Variants in VAV2 observed in about 807,000 individuals in gnomAD.
VAV2 encodes guanine nucleotide exchange factor VAV2.
A neutral mutation model predicts 132.5 loss-of-function variants in VAV2; 67 were observed. The ratio of observed to expected loss-of-function variants is 0.51; its 90% CI spans 0.42 to 0.62. VAV2 has a LOEUF of 0.62. Ranked by LOEUF, VAV2 falls within the 20% of genes least tolerant of loss-of-function variation. The pLI is 0.00. For synonymous variants in VAV2, 492 were observed against 443.5 expected (o/e 1.11, Z -1.37); for missense variants, 938 against 1,153.6 (o/e 0.81, Z 2.71).
At chr9:133,849,049 C>T (rs1468641671) in intron 3 of VAV2, among the ~76,000 whole-genome samples, 4 of 152,258 alleles carry the variant, frequency 2.6e-5, no homozygotes, top group African/African-American at 9.6e-5. Flanking sequence ...TGCGCAGATA[C>T]ATTTTTAATG....
At chr9:133,960,977 G>A (rs527668851) in intron 1 of VAV2, among the ~76,000 whole-genome samples, 33 of 152,320 alleles carry the variant, frequency 2.2e-4, no homozygotes, top group African/African-American at 7.9e-4. Context: ...GGGCGTGCTT[G>A]GAGAGGAATG....
intron 1 of VAV2, among the ~76,000 whole-genome samples, chr9:133,948,335 T>C (rs1841439690): frequency 6.6e-6 from 1 of 152,260 alleles, no homozygotes; most frequent in African/African-American, 2.4e-5. Context: ...CTGACCCGCC[T>C]TTGCGCATGG....
chr9:133,974,371 C>T (rs1356311704), intron 1 of VAV2, among the ~76,000 whole-genome samples: 1 of 152,208 alleles, frequency 6.6e-6, no homozygotes, highest in Non-Finnish European at 1.5e-5. Flanking sequence ...AACCTCCAGC[C>T]TCCCCTTGAG....
chr9:133,831,600 G>A (rs1234667242), intron 4 of VAV2, among the ~76,000 whole-genome samples: 1 of 152,202 alleles, frequency 6.6e-6, no homozygotes, highest in Non-Finnish European at 1.5e-5. Flanking sequence ...TGAACACCCA[G>A]GAGGCTCCTA....
intron 23 of VAV2, among the ~76,000 whole-genome samples, chr9:133,777,133 C>T (rs946863413): frequency 6.6e-6 from 1 of 152,118 alleles, no homozygotes; most frequent in Non-Finnish European, 1.5e-5. Context: ...TGCAGAAATG[C>T]CTGTTTTGGT....
intron 1 of VAV2, among the ~76,000 whole-genome samples, chr9:133,942,945 C>A (rs1036664514): frequency 3.9e-5 from 6 of 152,230 alleles, no homozygotes. Flanking sequence ...GGCTCCACCT[C>A]GAGGGAGGCC....
intron 17 of VAV2, 125 bp downstream of exon 17, chr9:133,785,651 G>C: frequency 1.3e-6 from 1 of 778,808 alleles, no homozygotes; most frequent in Non-Finnish European, 2.1e-6. Flanking sequence ...CTGTGTCCCT[G>C]ACGTTCCAAC....
Position 133,763,837 on chromosome 9 carries a change from G to T in VAV2, c.*225C>A, listed in dbSNP as rs932104190. 2 of 569,264 alleles carry T rather than the reference G, an allele frequency of 3.5e-6. No homozygotes were observed. Among genetic ancestry groups the T allele is most frequent in the Non-Finnish European group, 6.2e-6 (2 of 320,572 alleles). 35.3% of individuals were successfully genotyped at this position (569,264 alleles called of 1,614,324 possible). A position where few individuals can be genotyped will look rare whatever the true frequency, so the allele number is the denominator to read the frequency against. On this transcript the variant is annotated 3_prime_UTR_variant, in exon 30 of 30. Transcript: ENST00000371850. This position sits in a 1 kb window ranked among gnomAD's most constrained non-coding sequence, Gnocchi z 6.8. ...CTGCGCTCTGGGTGGGGCTAGCCCA[G>T]GTTTCCTCTATGTACAATAGCATAC...
chr9:133,819,959 A>G lies in VAV2; in HGVS notation c.450-7743T>C, dbSNP rs149022033. 3.9e-3 allele frequency among the ~76,000 whole-genome samples: 591 copies of G among 152,378 alleles called. 3 individuals carry two copies. The highest frequency in any genetic ancestry group is 0.014 in the African/African-American group (576 of 41,592). ...TTTGATAAAACAATGTTAATAATAT[A>G]AACTTAGTAATTAAGATAAAAACCT... On this transcript the variant is annotated intron_variant, in intron 4 of 29. Transcript: ENST00000371850.
At chr9:133,933,207 G>C (rs1203390220) in intron 2 of VAV2, among the ~76,000 whole-genome samples, 1 of 152,226 alleles carries the variant, frequency 6.6e-6, no homozygotes, top group African/African-American at 2.4e-5. Context: ...CTGATTGTGG[G>C]CCAGAGCCAG....
At position 133,904,927 on chromosome 9, in the gene VAV2, T is replaced by C. The variant is rs1273427347; in HGVS notation, c.321+34176A>G. On this transcript the variant is annotated intron_variant, in intron 2 of 29. Transcript: ENST00000371850. ...GGCCACAGCACCAGCACTGCTGCAC[T>C]GGGCAGTCAGACTTGGGGCCCTGGC... is the stretch of plus-strand genomic sequence containing the variant. 2.6e-5 allele frequency among the ~76,000 whole-genome samples: 4 copies of C among 152,320 alleles called. No homozygotes were observed. The East Asian group carries it at 5.8e-4, about 22-fold the overall frequency.
At chr9:133,933,686 TGATG>T (rs1361044805) in intron 2 of VAV2, among the ~76,000 whole-genome samples, 2 of 9,116 alleles carry the variant, frequency 2.2e-4, no homozygotes, top group Non-Finnish European at 1.1e-3. Flanking sequence ...GATAGATGAA[TGATG>T]GATGGATGGA....
At chr9:133,843,447 T>C (rs1312865999) in intron 3 of VAV2, among the ~76,000 whole-genome samples, 1 of 152,164 alleles carries the variant, frequency 6.6e-6, no homozygotes, top group African/African-American at 2.4e-5. Context: ...CCTCACGCGA[T>C]CCTCCCACCT....
chr9:133,925,346 A>G (rs915169323), intron 2 of VAV2, among the ~76,000 whole-genome samples: 2 of 152,184 alleles, frequency 1.3e-5, no homozygotes, highest in African/African-American at 4.8e-5. Flanking sequence ...CTTCCCAAGT[A>G]GCTGGGATTA....
At chr9:133,784,499 G>A (rs1297418312) in intron 17 of VAV2, 81 bp from the exon 18 acceptor site, 14 of 1,483,516 alleles carry the variant, frequency 9.4e-6, no homozygotes, top group Non-Finnish European at 1.3e-5. Flanking sequence ...GGAACCAGCT[G>A]GGCTCCGGAC....
intron 2 of VAV2, among the ~76,000 whole-genome samples, chr9:133,887,085 CAGA>C (rs1838741819): frequency 6.6e-6 from 1 of 152,096 alleles, no homozygotes; most frequent in South Asian, 2.1e-4. Flanking sequence ...CAGCCCAACT[CAGA>C]GGAGGGCCCA....
chr9:133,965,674 C>T (rs769190026), intron 1 of VAV2, among the ~76,000 whole-genome samples: 27 of 152,110 alleles, frequency 1.8e-4, no homozygotes, highest in Non-Finnish European at 2.9e-4. Context: ...TTCATGCATT[C>T]GAAGAATTAA....
chr9:133,861,245 C>G (rs544287830), intron 3 of VAV2, 129 bp downstream of exon 3: 1 of 1,043,966 alleles, frequency 9.6e-7, no homozygotes, highest in African/African-American at 1.6e-5. Flanking sequence ...CGCGACAACA[C>G]GCTGCAAATG....
rs957134503 is a variant in VAV2 at position 133,819,270 on chromosome 9, C to T, written c.450-7054G>A. Among the ~76,000 whole-genome samples the T allele has an allele frequency of 6.0e-5, 9 of 150,328 alleles. No individual in the cohort carries two copies. The East Asian group carries it at 7.9e-4, about 13-fold the overall frequency. On this transcript the variant is annotated intron_variant, in intron 4 of 29. Transcript: ENST00000371850. The stretch of plus-strand genomic sequence containing the variant: ...CCATCCTGGCTAACACAGTGAAACC[C>T]CGTCTCTACTAAAAAATACAAAAAA...
Sources: gnomAD v4.1 joint callset for allele counts (sites outside exome capture counted in the v4.1 genomes callset) on GRCh38, gnomAD v4.1.1 for gene constraint, Gnocchi (gnomAD v3.1) non-coding constraint, MANE v1.5 for transcripts, NCBI Gene and HGNC (gene_info 2026-07-23, HGNC 2026-07-21) for gene names.